C5: variants seen among roughly 807,000 people sequenced by gnomAD.
C5 encodes the protein complement C5.
A neutral mutation model predicts 218.8 loss-of-function variants in C5; 140 were observed. That is an observed-to-expected ratio of 0.64 (90% CI 0.56 to 0.74). The LOEUF (loss-of-function observed/expected upper bound fraction) is 0.74, where lower values mean the gene tolerates loss of function less well. Ranked by LOEUF, C5 falls within the 30% of genes least tolerant of loss-of-function variation. The probability of loss-of-function intolerance (pLI) is 0.00; values close to 1 mark genes in which losing one functional copy is unlikely to be tolerated. For missense variants in C5, 1,700 were observed against 1,969.6 expected, an observed-to-expected ratio of 0.86 and a Z score of 2.59; for synonymous variants, 614 against 682.3, an observed-to-expected ratio of 0.90 and a Z score of 1.56.
chr9:121,032,145 G>C lies in C5; in HGVS notation c.635C>G (p.Thr212Ser). 1 of 1,607,028 alleles carries C rather than the reference G, an allele frequency of 6.2e-7. No individual in the cohort carries two copies. The highest frequency in any genetic ancestry group is 8.5e-7 in the Non-Finnish European group (1 of 1,173,722). ...KAKYKEDFSTTGTAYFEVKEY... is the reference protein window; with the variant it reads ...KAKYKEDFSTSGTAYFEVKEY... ...TTTAACTTCAAAATATGCGGTTCCA[G>C]TTGTTGAAAAGTCCTCTTTATATTT... Residue 212 changes from threonine to serine, a missense_variant, in exon 6 of 41, where the codon ACT (threonine) becomes AGT (serine). Transcript: ENST00000223642.
chr9:121,003,365 A>T (rs913866009), intron 20 of C5, among the ~76,000 whole-genome samples: 1 of 152,172 alleles, frequency 6.6e-6, no homozygotes, highest in South Asian at 2.1e-4. Context: ...CCCCATTTAC[A>T]TCCTGTGGCC....
chr9:121,006,637 G>A (rs372420500), intron 19 of C5, among the ~76,000 whole-genome samples: 8 of 152,012 alleles, frequency 5.3e-5, no homozygotes, highest in Admixed American at 6.6e-5. Flanking sequence ...GAAACTAGGA[G>A]TTTGAGACCA....
chr9:121,048,944 T>C (rs1332371940), intron 1 of C5, among the ~76,000 whole-genome samples: 1 of 152,204 alleles, frequency 6.6e-6, no homozygotes, highest in Non-Finnish European at 1.5e-5. Flanking sequence ...ATTCTCATAC[T>C]CTGCTTTATT....
the C5 span, chr9:121,074,701 G>C: frequency 4.7e-6 from 2 of 422,556 alleles, no homozygotes; most frequent in Admixed American, 2.5e-5. Context: ...AGCACTGCGG[G>C]CAGCTGCCGC....
At chr9:121,001,756 G>A (rs943961374) in intron 20 of C5, among the ~76,000 whole-genome samples, 1 of 152,070 alleles carries the variant, frequency 6.6e-6, no homozygotes, top group Non-Finnish European at 1.5e-5. Context: ...CATACACTTG[G>A]TAAGAATGTC....
intron 20 of C5, among the ~76,000 whole-genome samples, chr9:121,005,640 T>A (rs1487536761): frequency 1.3e-5 from 2 of 152,186 alleles, no homozygotes; most frequent in African/African-American, 4.8e-5. Context: ...GAACTAAAGA[T>A]GAATTCACCC....
At chr9:121,051,540 AAAT>A (rs1281004588), upstream of C5, among the ~76,000 whole-genome samples, 2 of 152,048 alleles carry the variant, frequency 1.3e-5, no homozygotes, top group Non-Finnish European at 2.9e-5. Context: ...CTCTTCTTTA[AAAT>A]AATAAAACAG....
chr9:121,070,374 A>AAG, the C5 span, among the ~76,000 whole-genome samples: 1 of 120,514 alleles, frequency 8.3e-6, no homozygotes, highest in African/African-American at 3.3e-5. Context: ...AGAAGGAAGG[A>AAG]AGGAAGGGTG....
intron 7 of C5, 60 bp downstream of exon 7, chr9:121,030,337 C>A: frequency 2.2e-6 from 2 of 899,066 alleles, no homozygotes; most frequent in Non-Finnish European, 3.5e-6. Context: ...CTATCATCAA[C>A]CAGAGTTGAG....
chr9:121,003,758 A>T (rs2047191597), intron 20 of C5, among the ~76,000 whole-genome samples: 1 of 152,214 alleles, frequency 6.6e-6, no homozygotes, highest in Non-Finnish European at 1.5e-5. Flanking sequence ...CTCTATAAAA[A>T]TGAAAAATAA....
At chr9:120,957,120 G>A (rs1054741647) in intron 39 of C5, 165 bp downstream of exon 39, 62 of 558,274 alleles carry the variant, frequency 1.1e-4, no homozygotes, top group Non-Finnish European at 1.7e-4. Context: ...ATATTTATAC[G>A]AACATCTTTA....
intron 20 of C5, among the ~76,000 whole-genome samples, chr9:121,004,030 G>A (rs1217944631): frequency 6.6e-6 from 1 of 151,988 alleles, no homozygotes; most frequent in Non-Finnish European, 1.5e-5. Context: ...CACCAAGCCT[G>A]GCTAACTTTT....
chr9:121,002,281 CG>C (rs1162053164), intron 20 of C5, among the ~76,000 whole-genome samples: 19 of 76,104 alleles, frequency 2.5e-4, no homozygotes, highest in African/African-American at 2.7e-4. Context: ...TGTATATATA[CG>C]TATATATGTA....
intron 31 of C5, 138 bp downstream of exon 31, chr9:120,971,792 T>C: frequency 1.5e-6 from 1 of 684,422 alleles, no homozygotes; most frequent in Non-Finnish European, 2.6e-6. Context: ...GCTAGAAAGA[T>C]TTACATAAGT....
intron 31 of C5, 119 bp from the exon 32 acceptor site, chr9:120,970,370 C>T (rs1298600452): frequency 2.7e-6 from 2 of 733,680 alleles, no homozygotes; most frequent in Non-Finnish European, 4.9e-6. Context: ...TAATCCAGCA[C>T]AAATGGTGTA....
At chr9:121,025,075 T>G (rs531797100) in intron 9 of C5, among the ~76,000 whole-genome samples, 11 of 152,362 alleles carry the variant, frequency 7.2e-5, no homozygotes, top group Middle Eastern at 3.4e-3. Flanking sequence ...TATAGTACTT[T>G]ATCAAATAGT....
the C5 span, among the ~76,000 whole-genome samples, chr9:121,062,865 AT>A: frequency 6.6e-6 from 1 of 151,898 alleles, no homozygotes; most frequent in Non-Finnish European, 1.5e-5. Context: ...TTGTACTATC[AT>A]GTGTTGCTTT....
chr9:120,995,632 A>C (rs1164990041), intron 22 of C5, among the ~76,000 whole-genome samples: 2 of 152,062 alleles, frequency 1.3e-5, no homozygotes, highest in Non-Finnish European at 2.9e-5. Flanking sequence ...CTCAATAATA[A>C]TATATTATAA....
At chr9:120,973,072 TTTAAA>T (rs1370563610) in intron 30 of C5, among the ~76,000 whole-genome samples, 2 of 152,228 alleles carry the variant, frequency 1.3e-5, no homozygotes, top group African/African-American at 2.4e-5. Flanking sequence ...TTTAACTTAA[TTTAAA>T]TTAATTTGTT....
Sources: gnomAD v4.1 joint callset for allele counts (sites outside exome capture counted in the v4.1 genomes callset) on GRCh38, gnomAD v4.1.1 for gene constraint, MANE v1.5 for transcripts, NCBI Gene and HGNC (gene_info 2026-07-23, HGNC 2026-07-21) for gene names.